Variants in KAT6B observed in about 807,000 individuals in gnomAD.
KAT6B encodes lysine acetyltransferase 6B.
Under a neutral mutation model 187.5 loss-of-function variants are expected in KAT6B, and 10 were observed. The ratio of observed to expected loss-of-function variants is 0.05; its 90% CI spans 0.03 to 0.09. The LOEUF (loss-of-function observed/expected upper bound fraction) is 0.09, where lower values mean the gene tolerates loss of function less well. Among genes scored for constraint, KAT6B ranks in the 10% least tolerant of loss-of-function variants. The pLI is 1.00. For synonymous variants in KAT6B, 861 were observed against 926.8 expected, an observed-to-expected ratio of 0.93 and a Z score of 1.29; for missense variants, 1,952 against 2,558.9, an observed-to-expected ratio of 0.76 and a Z score of 5.12.
In KAT6B at chr10:75,021,203, T is replaced by C. The variant is rs1157744221; in HGVS notation, c.2939T>C (p.Leu980Pro). The change falls in exon 15 of 18, where the codon CTT becomes CCT. Residue 980 changes from leucine (L) to proline (P), a missense_variant. Leu to Pro is a moderately conservative substitution (Grantham distance 98). Transcript: ENST00000287239. The part of the protein sequence containing the change: ...KLKTCSRANE[L>P]DPDSLRWTPI... Reference sequence around the variant, plus strand: ...AAAACCTGTTCCAGAGCCAATGAACTTGATCCAGACAGTCTGAGGTGGACC... The same window carrying C: ...AAAACCTGTTCCAGAGCCAATGAACCTGATCCAGACAGTCTGAGGTGGACC... The C allele has an allele frequency of 6.2e-7, 1 of 1,614,018 alleles. No individual in the cohort carries two copies. The highest frequency in any genetic ancestry group is 8.5e-7 in the Non-Finnish European group (1 of 1,179,976).
chr10:74,863,886 A>G (rs1177276906), intron 3 of KAT6B, among the ~76,000 whole-genome samples: 2 of 152,178 alleles, frequency 1.3e-5, no homozygotes, highest in Non-Finnish European at 2.9e-5. Context: ...AATTGTAGAC[A>G]TTATCTGTTG....
chr10:74,842,158 C>G (rs1281714397), intron 2 of KAT6B, among the ~76,000 whole-genome samples: 1 of 152,134 alleles, frequency 6.6e-6, no homozygotes, highest in Non-Finnish European at 1.5e-5. Flanking sequence ...AATACAATAC[C>G]TAGCTGAAAG....
At position 74,976,121 on chromosome 10, in the gene KAT6B, G is replaced by A; in HGVS notation, c.1784G>A (p.Ser595Asn). Residue 595 changes from serine to asparagine, a missense_variant, in exon 8 of 18, where the codon AGT becomes AAT. Transcript: ENST00000287239. The stretch of plus-strand genomic sequence containing the variant: ...TTCTTTGGCAAAAGAGATATTAGAA[G>A]TCGGTTTATTTCTCACTCCTCCTCC... ...AHFFGKRDIRSRFISHSSSSS... is the reference protein window; with the variant it reads ...AHFFGKRDIRNRFISHSSSSS... 6.2e-7 allele frequency: 1 copy of A among 1,614,232 alleles called. No homozygotes were observed. Among genetic ancestry groups the A allele is most frequent in the Non-Finnish European group, 8.5e-7 (1 of 1,180,042 alleles).
At chr10:74,991,997 T>C (rs554895792) in intron 13 of KAT6B, among the ~76,000 whole-genome samples, 2 of 152,366 alleles carry the variant, frequency 1.3e-5, no homozygotes, top group South Asian at 4.1e-4. Flanking sequence ...ATGATCATTT[T>C]TGATCTCATA....
chr10:74,920,116 A>C (rs1487878885), intron 3 of KAT6B, among the ~76,000 whole-genome samples: 2 of 152,106 alleles, frequency 1.3e-5, no homozygotes, highest in East Asian at 3.8e-4. Flanking sequence ...TTTTTGAAAA[A>C]GTATTTATAG....
intron 3 of KAT6B, among the ~76,000 whole-genome samples, chr10:74,944,431 T>C (rs1849944070): frequency 6.6e-6 from 1 of 152,180 alleles, no homozygotes; most frequent in South Asian, 2.1e-4. Flanking sequence ...ACCATTGTAA[T>C]GGGCAAAAGA....
intron 2 of KAT6B, among the ~76,000 whole-genome samples, chr10:74,839,519 A>G (rs1439996280): frequency 1.3e-5 from 2 of 152,156 alleles, no homozygotes; most frequent in African/African-American, 4.8e-5. Flanking sequence ...GGTGTGAGCC[A>G]CCACGCCCGG....
At chr10:74,951,251 T>A (rs1274023052) in intron 3 of KAT6B, among the ~76,000 whole-genome samples, 1 of 151,974 alleles carries the variant, frequency 6.6e-6, no homozygotes, top group Non-Finnish European at 1.5e-5. Flanking sequence ...TGCCTCAGCC[T>A]CCAGAGTAGC....
chr10:74,906,131 A>G (rs570534494), intron 3 of KAT6B, among the ~76,000 whole-genome samples: 19 of 152,308 alleles, frequency 1.2e-4, no homozygotes, highest in African/African-American at 4.3e-4. Context: ...TGGGCACAGT[A>G]TCTCACACCT....
intron 3 of KAT6B, among the ~76,000 whole-genome samples, chr10:74,856,540 C>T (rs1842840154): frequency 6.6e-6 from 1 of 152,108 alleles, no homozygotes; most frequent in South Asian, 2.1e-4. Flanking sequence ...TAGGATGTCC[C>T]ACAATTAGTA....
At chr10:75,024,055 T>C (rs1428145640) in intron 16 of KAT6B, 1 of 152,086 alleles carries the variant, frequency 6.6e-6, no homozygotes, top group Non-Finnish European at 1.5e-5. Flanking sequence ...CGAAAAACAT[T>C]TTATAATTAC....
intron 3 of KAT6B, among the ~76,000 whole-genome samples, chr10:74,922,952 A>T (rs915738823): frequency 6.6e-6 from 1 of 152,208 alleles, no homozygotes; most frequent in Non-Finnish European, 1.5e-5. Flanking sequence ...ATGGTCTGGG[A>T]ATGCCTGAGG....
At chr10:74,988,546 T>A (rs1842949411) in intron 12 of KAT6B, among the ~76,000 whole-genome samples, 1 of 152,266 alleles carries the variant, frequency 6.6e-6, no homozygotes, top group South Asian at 2.1e-4. Flanking sequence ...ACACAGATAC[T>A]GTTTTAGTTT....
At chr10:75,019,385 TG>T (rs1190582089) in intron 13 of KAT6B, among the ~76,000 whole-genome samples, 3 of 152,212 alleles carry the variant, frequency 2.0e-5, no homozygotes, top group Non-Finnish European at 4.4e-5. Context: ...TCTGCATTAC[TG>T]TATTTGCAGT....
intron 3 of KAT6B, among the ~76,000 whole-genome samples, chr10:74,940,629 C>T (rs1029529116): frequency 2.0e-5 from 3 of 150,294 alleles, no homozygotes; most frequent in Admixed American, 1.3e-4. Context: ...GTCGCCCAGG[C>T]TGGAGTGCAG....
chr10:75,022,873 G>A (rs1229153853), intron 16 of KAT6B, among the ~76,000 whole-genome samples: 3 of 152,194 alleles, frequency 2.0e-5, no homozygotes, highest in South Asian at 2.1e-4. Flanking sequence ...GCAGTAAGCC[G>A]AGATCGCACC....
intron 3 of KAT6B, among the ~76,000 whole-genome samples, chr10:74,896,599 A>G (rs1198327236): frequency 6.6e-6 from 1 of 152,210 alleles, no homozygotes; most frequent in Non-Finnish European, 1.5e-5. Context: ...CTATTTGTGT[A>G]CTTTAAACGA....
intron 3 of KAT6B, among the ~76,000 whole-genome samples, chr10:74,862,518 T>C (rs971497454): frequency 3.9e-5 from 6 of 152,200 alleles, no homozygotes; most frequent in Admixed American, 2.6e-4. Context: ...TTAGAACTTT[T>C]TGAAGTTTCC....
intron 3 of KAT6B, among the ~76,000 whole-genome samples, chr10:74,898,453 A>G (rs1030884213): frequency 4.1e-5 from 6 of 146,554 alleles, no homozygotes; most frequent in Non-Finnish European, 6.0e-5. Context: ...TCTTTCTACA[A>G]TTTTTTTTTT....
Sources: allele counts gnomAD v4.1 joint callset (sites outside exome capture counted in the v4.1 genomes callset), GRCh38; gene constraint gnomAD v4.1.1; transcripts MANE v1.5; gene names NCBI Gene and HGNC (gene_info 2026-07-23, HGNC 2026-07-21).